The following VPS8 variants were observed in gnomAD, a reference collection of about 807,000 sequenced individuals.
The protein encoded by VPS8 is VPS8 subunit of CORVET complex.
A neutral mutation model predicts 216.4 loss-of-function variants in VPS8; 129 were observed. That is an observed-to-expected ratio of 0.60 (90% CI 0.52 to 0.69). The LOEUF is 0.69. VPS8 is among the 30% of genes least tolerant of loss of function. VPS8 has a pLI of 0.00. For missense variants in VPS8, 1,531 were observed against 1,683.5 expected (o/e 0.91, Z 1.59); for synonymous variants, 571 against 565.4 (o/e 1.01, Z -0.14).
rs1235317435 is a variant in VPS8, at chr3:184,996,411, G to T, written c.3746G>T (p.Arg1249Ile). Residue 1249 changes from arginine to isoleucine, a missense_variant, in exon 44 of 48, where the codon AGA (arginine) becomes ATA (isoleucine). Physicochemically the swap from Arg to Ile is moderately conservative, Grantham distance 97 (BLOSUM62 -3). Transcript: ENST00000625842. ...TGTAACCTGAGAGCTTCGGTCACCAGAGGACTGAATCCCAAACAAGATTAC... is the reference window on the plus strand; with the variant it reads ...TGTAACCTGAGAGCTTCGGTCACCATAGGACTGAATCCCAAACAAGATTAC... ...SLCNLRASVTRGLNPKQDYCS... is the reference protein window; with the variant it reads ...SLCNLRASVTIGLNPKQDYCS... 15 of 1,613,820 alleles carry T rather than the reference G, an allele frequency of 9.3e-6. No individual in the cohort carries two copies. The highest frequency in any genetic ancestry group is 1.3e-5 in the African/African-American group (1 of 74,926).
In VPS8 at chr3:184,901,899, A is replaced by G. The variant is rs546695872; in HGVS notation, c.2146+927A>G. ...CCTAATGCTGTACCATTTCTCATCA[A>G]CAATACTTGAGAGTTCCCGCTCCAC... On this transcript the variant is annotated intron_variant, in intron 25 of 47. Coordinates refer to ENST00000625842, the MANE Select transcript of VPS8 (RefSeq NM_001009921.3). 1.2e-4 allele frequency among the ~76,000 whole-genome samples: 18 copies of G among 152,314 alleles called. No homozygotes were observed. The South Asian group carries it at 2.7e-3, about 23-fold the overall frequency.
rs1745247235 is a variant in VPS8, at chr3:184,954,524, C to CA, written c.3036-2849dup. On this transcript the variant is annotated intron_variant, in intron 36 of 47. Transcript: ENST00000625842. ...ATCTCACTAGTATGTAAGAAGATAA[C>CA]ACTTTGGAAAGCTTAAGGATTTTAG... Among the ~76,000 whole-genome samples the CA allele has an allele frequency of 3.9e-5, 6 of 152,298 alleles. No individual in the cohort carries two copies. In the South Asian group the frequency reaches 1.2e-3, roughly 32 times the overall value.
chr3:184,969,121 T>C (rs574455114), intron 39 of VPS8, among the ~76,000 whole-genome samples: 1 of 152,304 alleles, frequency 6.6e-6, no homozygotes, highest in African/African-American at 2.4e-5. Context: ...GAATAACTTT[T>C]TGTTTTTTTC....
intron 42 of VPS8, among the ~76,000 whole-genome samples, chr3:184,988,669 G>A (rs559710221): frequency 1.3e-5 from 2 of 152,000 alleles, no homozygotes; most frequent in Non-Finnish European, 2.9e-5. Context: ...CTTCAGAAAC[G>A]GTTTGTTGAT....
chr3:184,867,041 A>G (rs1727486916), intron 17 of VPS8, 91 bp downstream of exon 17: 6 of 1,170,888 alleles, frequency 5.1e-6, no homozygotes, highest in Non-Finnish European at 7.4e-6. Flanking sequence ...AGTATATTGC[A>G]AAGTGAATAT....
intron 21 of VPS8, 123 bp from the exon 22 acceptor site, chr3:184,885,986 CA>C: frequency 9.4e-7 from 1 of 1,061,960 alleles, no homozygotes; most frequent in South Asian, 1.8e-5. Context: ...AATTGCTTAC[CA>C]AAAGCATGAT....
chr3:184,978,663 G>C (rs927029988), intron 40 of VPS8, among the ~76,000 whole-genome samples: 2 of 152,142 alleles, frequency 1.3e-5, no homozygotes, highest in African/African-American at 4.8e-5. Flanking sequence ...GCCTCCCAAA[G>C]CTGGGATTAC....
At chr3:184,885,998 A>G (rs895551757) in intron 21 of VPS8, 112 bp from the exon 22 acceptor site, 1 of 1,173,756 alleles carries the variant, frequency 8.5e-7, no homozygotes, top group Non-Finnish European at 1.2e-6. Flanking sequence ...AAAGCATGAT[A>G]TGAAGTTATA....
At chr3:185,028,582 G>T (rs1415938146) in intron 46 of VPS8, among the ~76,000 whole-genome samples, 1 of 152,184 alleles carries the variant, frequency 6.6e-6, no homozygotes, top group Non-Finnish European at 1.5e-5. Context: ...ACTTGTCCAG[G>T]TAAGAAAAAA....
At chr3:184,845,100 CT>C (rs1364527035) in intron 8 of VPS8, among the ~76,000 whole-genome samples, 5 of 152,132 alleles carry the variant, frequency 3.3e-5, no homozygotes, top group African/African-American at 1.2e-4. Flanking sequence ...AATTTAATAA[CT>C]TTTTCCAACT....
intron 44 of VPS8, among the ~76,000 whole-genome samples, chr3:184,999,278 C>T (rs1314167038): frequency 1.3e-5 from 2 of 152,324 alleles, no homozygotes; most frequent in South Asian, 2.1e-4. Flanking sequence ...AGGCTGATCT[C>T]AAACTCCTAA....
intron 40 of VPS8, among the ~76,000 whole-genome samples, chr3:184,974,827 T>C (rs1037303690): frequency 6.6e-5 from 10 of 152,142 alleles, no homozygotes; most frequent in African/African-American, 1.9e-4. Context: ...TTTTCCCTAA[T>C]GTATATTATT....
chr3:184,887,938 A>G lies in VPS8; in HGVS notation c.1781+1782A>G, dbSNP rs1020525696. On this transcript the variant is annotated intron_variant, in intron 22 of 47. Transcript: ENST00000625842. ...CAGTGTTTTAACTCTAGTGTTACGT[A>G]ATTAGCAAAACACATCGTGTTTACA... Among the ~76,000 whole-genome samples, 4 of 152,174 alleles carry G rather than the reference A, an allele frequency of 2.6e-5. No individual in the cohort carries two copies. In the South Asian group the frequency reaches 6.2e-4, roughly 24 times the overall value.
chr3:184,894,289 C>T (rs1732918927), intron 22 of VPS8, among the ~76,000 whole-genome samples: 1 of 151,878 alleles, frequency 6.6e-6, no homozygotes, highest in African/African-American at 2.4e-5. Flanking sequence ...TCATGATGTC[C>T]ACCCAATTAT....
intron 46 of VPS8, among the ~76,000 whole-genome samples, chr3:185,045,499 G>A (rs999024724): frequency 2.0e-5 from 3 of 151,932 alleles, no homozygotes; most frequent in African/African-American, 4.8e-5. Context: ...GACCGGGCAC[G>A]GTGACTCATG....
intron 36 of VPS8, among the ~76,000 whole-genome samples, chr3:184,948,273 G>C (rs1293969094): frequency 6.7e-6 from 1 of 149,254 alleles, no homozygotes; most frequent in Non-Finnish European, 1.5e-5. Flanking sequence ...AGAAACCTCA[G>C]ATTATACCTT....
chr3:184,859,319 T>C (rs907583033), intron 14 of VPS8, among the ~76,000 whole-genome samples: 1 of 152,258 alleles, frequency 6.6e-6, no homozygotes, highest in African/African-American at 2.4e-5. Flanking sequence ...TCAGTGATTT[T>C]ACATTCTTCC....
chr3:185,019,218 A>G (rs2110048757), intron 45 of VPS8, among the ~76,000 whole-genome samples: 1 of 152,228 alleles, frequency 6.6e-6, no homozygotes, highest in Non-Finnish European at 1.5e-5. Context: ...CCTCCAGCTT[A>G]GTTCCACGTT....
chr3:184,943,183 T>C (rs1743050164), intron 36 of VPS8, among the ~76,000 whole-genome samples: 1 of 152,248 alleles, frequency 6.6e-6, no homozygotes, highest in African/African-American at 2.4e-5. Context: ...CCATCAAAAC[T>C]GTTTTCTAGT....
Sources: allele counts gnomAD v4.1 joint callset (sites outside exome capture counted in the v4.1 genomes callset), GRCh38; gene constraint gnomAD v4.1.1; transcripts MANE v1.5; gene names NCBI Gene and HGNC (gene_info 2026-07-23, HGNC 2026-07-21).